The following CROCC variants were observed in gnomAD, a reference collection of about 807,000 sequenced individuals.
CROCC encodes rootletin.
In CROCC, 180 loss-of-function variants were observed where a neutral mutation model predicts 245.2. The ratio of observed to expected loss-of-function variants is 0.73; its 90% CI spans 0.65 to 0.83. The LOEUF (loss-of-function observed/expected upper bound fraction) is 0.83, where lower values mean the gene tolerates loss of function less well. Among genes scored for constraint, CROCC ranks in the 40% least tolerant of loss-of-function variants. CROCC has a pLI of 0.00. For synonymous variants in CROCC, 1,205 were observed against 1,241.6 expected (o/e 0.97, Z 0.62); for missense variants, 2,688 against 2,779.4 (o/e 0.97, Z 0.74).
chr1:16,940,056 G>A lies in CROCC; in HGVS notation c.1771G>A (p.Val591Met). ...MQAHEDAQRE[V>M]QRLRSANELL... ...GGCCCACGAGGACGCCCAGCGCGAG[G>A]TGCAGCGGCTGCGGAGCGCCAACGA... Residue 591 changes from valine to methionine, a missense_variant, in exon 13 of 37, where the codon GTG becomes ATG. Physicochemically the swap from Val to Met is conservative, Grantham distance 21. Around this residue, in one of 9 missense-constraint regions of CROCC, gnomAD observed 972 missense variants for 895.3 expected, o/e 1.09. Transcript: ENST00000375541. The A allele has an allele frequency of 6.2e-7, 1 of 1,609,546 alleles. No individual in the cohort carries two copies.
At chr1:16,916,636 A>G (rs1266469454) in intron 1 of CROCC, among the ~76,000 whole-genome samples, 1 of 152,272 alleles carries the variant, frequency 6.6e-6, no homozygotes, top group Admixed American at 6.5e-5. Flanking sequence ...CCTCTCAAGG[A>G]ACTGGGACTA....
chr1:16,952,236 G>A (rs1355355059), intron 20 of CROCC, among the ~76,000 whole-genome samples: 1 of 150,106 alleles, frequency 6.7e-6, no homozygotes, highest in African/African-American at 2.4e-5. Flanking sequence ...CTGTAATCCA[G>A]CACTTTGGGA....
chr1:16,962,395 C>CACAG (rs1491426054), intron 27 of CROCC, among the ~76,000 whole-genome samples: 2 of 151,056 alleles, frequency 1.3e-5, no homozygotes, highest in African/African-American at 4.9e-5. Flanking sequence ...ATTAGCTGGG[C>CACAG]ACAGTGGCAG....
chr1:16,945,801 G>A (rs2076032310), intron 15 of CROCC, among the ~76,000 whole-genome samples, 195 bp downstream of exon 15: 1 of 152,284 alleles, frequency 6.6e-6, no homozygotes, highest in Admixed American at 6.5e-5. Flanking sequence ...AGCCATAAGT[G>A]GACTGACCTC....
In CROCC at chr1:16,954,708, A is replaced by C; in HGVS notation, c.3322-26A>C. 6.5e-7 allele frequency: 1 copy of C among 1,532,334 alleles called. No homozygotes were observed. Among genetic ancestry groups the C allele is most frequent in the South Asian group, 1.2e-5 (1 of 82,912 alleles). The allele number at this position is 1,532,334 out of a possible 1,614,324, so 94.9% of individuals were successfully genotyped here. ...CGGGGCTGGGGGACACAGCAGGACCAAGTCTGAGGAGCCCCTCTGTCCCAG... is the reference window on the plus strand; with the variant it reads ...CGGGGCTGGGGGACACAGCAGGACCCAGTCTGAGGAGCCCCTCTGTCCCAG... On this transcript the variant is annotated intron_variant, in intron 22 of 36. Coordinates refer to ENST00000375541, the MANE Select transcript of CROCC (RefSeq NM_014675.5). This position sits in a 1 kb window ranked among gnomAD's most constrained non-coding sequence, Gnocchi z 4.4.
chr1:16,950,569 G>A (rs1303401872), intron 19 of CROCC, among the ~76,000 whole-genome samples: 2 of 152,198 alleles, frequency 1.3e-5, no homozygotes, highest in African/African-American at 4.8e-5. Flanking sequence ...TGTTGGCCAG[G>A]TTGGTCTTGA....
At chr1:16,928,547 T>C (rs1288784562) in intron 3 of CROCC, among the ~76,000 whole-genome samples, 1 of 152,038 alleles carries the variant, frequency 6.6e-6, no homozygotes, top group African/African-American at 2.4e-5. Flanking sequence ...CTCACACCTG[T>C]AATCCCAGCA....
chr1:16,947,809 C>T (rs1482019573), intron 17 of CROCC, among the ~76,000 whole-genome samples: 1 of 152,210 alleles, frequency 6.6e-6, no homozygotes, highest in East Asian at 1.9e-4. Context: ...TGAGGGCCCT[C>T]ATTTTTTTTG....
chr1:16,918,370 G>C (rs1214828270), upstream of CROCC, among the ~76,000 whole-genome samples: 1 of 137,100 alleles, frequency 7.3e-6, no homozygotes, highest in Non-Finnish European at 1.5e-5. Context: ...GTTCAGATAT[G>C]ACTTCCTGGG....
intron 1 of CROCC, among the ~76,000 whole-genome samples, chr1:16,915,859 G>A (rs1384574573): frequency 6.6e-6 from 1 of 152,256 alleles, no homozygotes; most frequent in African/African-American, 2.4e-5. Context: ...AGAGGTGGGT[G>A]CCTGCCTGGT....
intron 8 of CROCC, among the ~76,000 whole-genome samples, chr1:16,932,032 G>T (rs1168152077): frequency 6.6e-6 from 1 of 152,136 alleles, no homozygotes; most frequent in African/African-American, 2.4e-5. Context: ...CTCCCAAAGT[G>T]CTGGGATTAT....
chr1:16,940,139 G>A lies in CROCC; in HGVS notation c.1808+46G>A, dbSNP rs762734033. ...GGGGGGTACTGAAGAATAAGTCACC[G>A]TCTGGGCATAACACCAGTCAAGCCT... On this transcript the variant is annotated intron_variant, in intron 13 of 36. Transcript: ENST00000375541. 40 of 1,550,558 alleles carry A rather than the reference G, an allele frequency of 2.6e-5. No homozygotes were observed. In the East Asian group the frequency reaches 6.0e-4, roughly 23 times the overall value.
chr1:16,956,760 T>G (rs1472476060), intron 25 of CROCC, among the ~76,000 whole-genome samples: 2 of 152,140 alleles, frequency 1.3e-5, no homozygotes, highest in Admixed American at 1.3e-4. Context: ...ACTCAGACCC[T>G]TGTAGAAACG....
At chr1:16,959,964 A>G (rs115683559) in intron 26 of CROCC, among the ~76,000 whole-genome samples, 2,327 of 152,076 alleles carry the variant, frequency 0.015, 64 homozygotes, top group African/African-American at 0.054. Flanking sequence ...AAAAAACAAA[A>G]AAAAAAACAG....
At chr1:16,931,436 A>G in intron 8 of CROCC, 39 bp downstream of exon 8, 1 of 1,539,980 alleles carries the variant, frequency 6.5e-7, no homozygotes. Context: ...GCTGAGAGCC[A>G]GCCCTGCTCT....
At chr1:16,927,138 A>G (rs2075552318) in intron 3 of CROCC, among the ~76,000 whole-genome samples, 2 of 152,220 alleles carry the variant, frequency 1.3e-5, no homozygotes, top group African/African-American at 4.8e-5. Context: ...ACATTCCACA[A>G]ACAACATAGT....
chr1:16,914,408 C>T (rs1171620091), intron 1 of CROCC, among the ~76,000 whole-genome samples: 1 of 152,252 alleles, frequency 6.6e-6, no homozygotes, highest in Non-Finnish European at 1.5e-5. Flanking sequence ...AGCCGTCCCT[C>T]CGCCGGCCGG....
At chr1:16,945,363 C>T in intron 14 of CROCC, 99 bp from the exon 15 acceptor site, 2 of 1,551,228 alleles carry the variant, frequency 1.3e-6, no homozygotes, top group Non-Finnish European at 1.7e-6. Flanking sequence ...TCTCCAAACT[C>T]CTGCCTCAGG....
intron 20 of CROCC, chr1:16,953,093 G>A: frequency 1.8e-6 from 1 of 566,636 alleles, no homozygotes; most frequent in Non-Finnish European, 3.1e-6. Flanking sequence ...ACCATGTTCG[G>A]ACCCCCAGGC....
Sources: gnomAD v4.1 joint callset for allele counts (sites outside exome capture counted in the v4.1 genomes callset) on GRCh38, gnomAD v4.1.1 for gene constraint, gnomAD v4.1.1 regional missense constraint, Gnocchi (gnomAD v3.1) non-coding constraint, MANE v1.5 for transcripts, NCBI Gene and HGNC (gene_info 2026-07-23, HGNC 2026-07-21) for gene names.